PTPRF: variants seen among roughly 807,000 people sequenced by gnomAD.
The protein encoded by PTPRF is receptor-type tyrosine-protein phosphatase F.
In PTPRF, 59 loss-of-function variants were observed where a neutral mutation model predicts 201.8. The observed-to-expected ratio is 0.29, with a 90% CI of 0.24 to 0.36. The LOEUF (loss-of-function observed/expected upper bound fraction) is 0.36. PTPRF is among the 10% of genes least tolerant of loss of function. The probability of loss-of-function intolerance (pLI) is 1.00; values close to 1 mark genes in which losing one functional copy is unlikely to be tolerated. For missense variants in PTPRF, 2,132 were observed against 2,690.5 expected, an observed-to-expected ratio of 0.79 and a Z score of 4.59; for synonymous variants, 1,088 against 1,089.7, an observed-to-expected ratio of 1.00 and a Z score of 0.03.
At chr1:43,539,240 T>C (rs1346154937) in intron 2 of PTPRF, among the ~76,000 whole-genome samples, 1 of 152,100 alleles carries the variant, frequency 6.6e-6, no homozygotes, top group African/African-American at 2.4e-5. Context: ...TTCAAACTTA[T>C]TGATGGGTTA....
intron 7 of PTPRF, among the ~76,000 whole-genome samples, chr1:43,580,449 G>C (rs1647293023): frequency 6.6e-6 from 1 of 152,222 alleles, no homozygotes; most frequent in Non-Finnish European, 1.5e-5. Context: ...GACTATTAAA[G>C]ATGCTTCATG....
intron 7 of PTPRF, chr1:43,579,182 C>A (rs771711573): frequency 6.1e-6 from 4 of 657,970 alleles, no homozygotes; most frequent in African/African-American, 5.3e-5. Context: ...GTAGGTCTTG[C>A]CGCATGGGCC....
In PTPRF at chr1:43,623,474, G is replaced by T. The variant is rs1056558035; in HGVS notation, c.*1471G>T. Reference sequence around the variant, plus strand: ...CGTGGTGCCGACGTCCCCAAACCTAGCTAGGCTAAGTCAAGATCAACATTC... The same window carrying T: ...CGTGGTGCCGACGTCCCCAAACCTATCTAGGCTAAGTCAAGATCAACATTC... On this transcript the variant is annotated 3_prime_UTR_variant, in exon 34 of 34. Coordinates refer to ENST00000359947, the MANE Select transcript of PTPRF (RefSeq NM_002840.5). The T allele has an allele frequency of 6.6e-6, 1 of 152,618 alleles. No homozygotes were observed. The highest frequency in any genetic ancestry group is 1.5e-5 in the Non-Finnish European group (1 of 68,028). The allele number at this position is 152,618 out of a possible 1,614,324, so 9.5% of individuals were successfully genotyped here.
At chr1:43,526,462 G>T (rs1001625102), upstream of PTPRF, among the ~76,000 whole-genome samples, 5 of 151,876 alleles carry the variant, frequency 3.3e-5, no homozygotes, top group African/African-American at 4.8e-5. Context: ...AATTAAAAAA[G>T]CATTAGTCAA....
At chr1:43,579,540 C>A (rs980431674) in intron 7 of PTPRF, 1 of 302,632 alleles carries the variant, frequency 3.3e-6, no homozygotes, top group Non-Finnish European at 6.4e-6. Flanking sequence ...TTGCTGGGAG[C>A]GAGTGGACAG....
chr1:43,571,721 GT>G (rs1206458179), intron 6 of PTPRF, among the ~76,000 whole-genome samples: 2 of 152,194 alleles, frequency 1.3e-5, no homozygotes, highest in Non-Finnish European at 2.9e-5. Flanking sequence ...TGTAGGTCAG[GT>G]TTGCTGCTCA....
chr1:43,522,706 C>CTTCTA (rs1353005981), upstream of PTPRF, among the ~76,000 whole-genome samples: 1 of 152,006 alleles, frequency 6.6e-6, no homozygotes, highest in East Asian at 1.9e-4. Context: ...GGTGGAAAGT[C>CTTCTA]TTCTAGAAAG....
At chr1:43,611,408 A>C (rs1656416136) in intron 22 of PTPRF, among the ~76,000 whole-genome samples, 1 of 152,192 alleles carries the variant, frequency 6.6e-6, no homozygotes, top group Non-Finnish European at 1.5e-5. Flanking sequence ...GGCAGATTGC[A>C]TGTGCGTCAA....
intron 7 of PTPRF, among the ~76,000 whole-genome samples, chr1:43,585,842 G>C (rs1025899526): frequency 1.3e-5 from 2 of 152,146 alleles, no homozygotes; most frequent in Admixed American, 6.5e-5. Context: ...CTTTGTCCTG[G>C]TATCCAACGA....
intron 14 of PTPRF, among the ~76,000 whole-genome samples, chr1:43,602,833 T>C (rs957564988): frequency 2.0e-5 from 3 of 152,156 alleles, no homozygotes; most frequent in Non-Finnish European, 4.4e-5. Flanking sequence ...GAGGTTTTCT[T>C]ATTCTCCTAG....
chr1:43,569,845 A>C, intron 6 of PTPRF, 67 bp downstream of exon 6: 1 of 1,502,740 alleles, frequency 6.7e-7, no homozygotes, highest in Non-Finnish European at 8.9e-7. Flanking sequence ...AGATCCCAGC[A>C]CAGCCTACTC....
At chr1:43,556,008 C>A (rs1645344120) in intron 5 of PTPRF, among the ~76,000 whole-genome samples, 1 of 152,190 alleles carries the variant, frequency 6.6e-6, no homozygotes, top group East Asian at 1.9e-4. Flanking sequence ...AATTCATACT[C>A]CTGCCAAGCA....
At chr1:43,598,450 C>T in intron 12 of PTPRF, 1 of 508,928 alleles carries the variant, frequency 2.0e-6, no homozygotes, top group Non-Finnish European at 3.5e-6. Context: ...ACCTGGTGCC[C>T]CACCTCCACC....
Position 43,562,169 on chromosome 1 carries a change from C to T in PTPRF, c.380-7421C>T, listed in dbSNP as rs991958146. Among the ~76,000 whole-genome samples, 3 of 151,936 alleles carry T rather than the reference C, an allele frequency of 2.0e-5. No homozygotes were observed. In the East Asian group the frequency reaches 5.8e-4, roughly 29 times the overall value. On this transcript the variant is annotated intron_variant, in intron 5 of 33. Coordinates refer to ENST00000359947, the MANE Select transcript of PTPRF (RefSeq NM_002840.5). ...TGTGGCCCAGACTGGAGTGCGGTGGCACAATCTCAGCTCACTGCAACTTCC... is the reference window on the plus strand; with the variant it reads ...TGTGGCCCAGACTGGAGTGCGGTGGTACAATCTCAGCTCACTGCAACTTCC...
At chr1:43,612,466 G>C (rs987558823) in intron 22 of PTPRF, among the ~76,000 whole-genome samples, 1 of 152,170 alleles carries the variant, frequency 6.6e-6, no homozygotes, top group Admixed American at 6.5e-5. Context: ...GGGCAGGGCT[G>C]GTTTGGACTT....
upstream of PTPRF, among the ~76,000 whole-genome samples, chr1:43,524,373 G>T (rs1570804590): frequency 6.6e-6 from 1 of 152,208 alleles, no homozygotes; most frequent in East Asian, 1.9e-4. Context: ...GTGAAAGAAA[G>T]AAAAGGCCAG....
At chr1:43,604,620 T>G (rs1654597273) in intron 16 of PTPRF, among the ~76,000 whole-genome samples, 1 of 152,196 alleles carries the variant, frequency 6.6e-6, no homozygotes, top group Non-Finnish European at 1.5e-5. Flanking sequence ...TGGCCTGGTG[T>G]CCATCGGCTC....
chr1:43,603,642 C>T lies in PTPRF; in HGVS notation c.2490C>T (p.Thr830=), dbSNP rs371008648. 6.2e-7 allele frequency: 1 copy of T among 1,613,466 alleles called. No homozygotes were observed. Among genetic ancestry groups the T allele is most frequent in the Non-Finnish European group, 8.5e-7 (1 of 1,179,940 alleles). The change falls in exon 16 of 34, where the codon ACC becomes ACT. Residue 830 remains threonine, a synonymous_variant. Transcript: ENST00000359947. The surrounding 1 kb of genome is among the most constrained non-coding windows in gnomAD (Gnocchi z 5.8). ...GCCGGCCCACCATGATGATCAGCACCACGGCCATGAACACTGCGCTGCTCC... is the reference window on the plus strand; with the variant it reads ...GCCGGCCCACCATGATGATCAGCACTACGGCCATGAACACTGCGCTGCTCC... The part of the protein sequence containing the change: ...VPGRPTMMIS[T]TAMNTALLQW...
intron 22 of PTPRF, chr1:43,612,859 T>A: frequency 7.7e-7 from 1 of 1,291,434 alleles, no homozygotes; most frequent in Non-Finnish European, 1.0e-6. Flanking sequence ...CTGTTTCCAC[T>A]CCTTACTTTT....
Sources: gnomAD v4.1 joint callset for allele counts (sites outside exome capture counted in the v4.1 genomes callset) on GRCh38, gnomAD v4.1.1 for gene constraint, Gnocchi (gnomAD v3.1) non-coding constraint, MANE v1.5 for transcripts, NCBI Gene and HGNC (gene_info 2026-07-23, HGNC 2026-07-21) for gene names.